Variants in PIP4K2A observed in about 807,000 individuals in gnomAD.
The protein encoded by PIP4K2A is phosphatidylinositol-5-phosphate 4-kinase type 2 alpha, also known as phosphatidylinositol 5-phosphate 4-kinase type-2 alpha.
A neutral mutation model predicts 42.9 loss-of-function variants in PIP4K2A; 14 were observed. That is an observed-to-expected ratio of 0.33 (90% CI 0.22 to 0.51). The LOEUF is 0.51. Ranked by LOEUF, PIP4K2A falls within the 20% of genes least tolerant of loss-of-function variation. The pLI, the probability that PIP4K2A is intolerant of heterozygous loss-of-function variation, is 0.97. For synonymous variants in PIP4K2A, 192 were observed against 192.2 expected (o/e 1.00, Z 0.01); for missense variants, 434 against 519.8 (o/e 0.83, Z 1.61).
At chr10:22,704,765 C>T (rs569009351) in intron 1 of PIP4K2A, among the ~76,000 whole-genome samples, 16 of 151,566 alleles carry the variant, frequency 1.1e-4, no homozygotes, top group South Asian at 2.1e-4. Flanking sequence ...TCAAGATGGG[C>T]GGCCCCGGAA....
chr10:22,564,623 A>G (rs1420524504), intron 6 of PIP4K2A, among the ~76,000 whole-genome samples: 1 of 152,062 alleles, frequency 6.6e-6, no homozygotes, highest in African/African-American at 2.4e-5. Flanking sequence ...AGAAACATTC[A>G]CTCATGGCAG....
intron 1 of PIP4K2A, among the ~76,000 whole-genome samples, chr10:22,664,220 T>TATATATATATAC (rs1839302845): frequency 2.2e-5 from 1 of 45,540 alleles, no homozygotes; most frequent in African/African-American, 8.6e-5. Flanking sequence ...TATATATACA[T>TATATATATATAC]ATATATATAC....
At chr10:22,628,878 C>T (rs1369630395) in intron 1 of PIP4K2A, among the ~76,000 whole-genome samples, 3 of 152,278 alleles carry the variant, frequency 2.0e-5, no homozygotes, top group African/African-American at 7.2e-5. Context: ...GAGGTTAATG[C>T]TGGTTGGCTT....
chr10:22,664,164 TATAC>T (rs148228205), intron 1 of PIP4K2A, among the ~76,000 whole-genome samples: 6 of 67,514 alleles, frequency 8.9e-5, no homozygotes, highest in South Asian at 3.2e-4. Flanking sequence ...CATATATATA[TATAC>T]ATATATATAT....
chr10:22,582,490 T>C (rs779509126), intron 4 of PIP4K2A, among the ~76,000 whole-genome samples: 1 of 152,232 alleles, frequency 6.6e-6, no homozygotes, highest in Non-Finnish European at 1.5e-5. Context: ...GGCTCCGGCT[T>C]TCAGGAATTG....
intron 4 of PIP4K2A, among the ~76,000 whole-genome samples, chr10:22,580,410 G>A (rs1837241819): frequency 6.6e-6 from 1 of 151,984 alleles, no homozygotes. Context: ...GGTAATTCGG[G>A]AGGCCAAGGC....
intron 1 of PIP4K2A, among the ~76,000 whole-genome samples, chr10:22,683,845 A>G (rs1271843248): frequency 2.0e-5 from 3 of 150,610 alleles, no homozygotes; most frequent in Non-Finnish European, 4.4e-5. Context: ...TCACACACAC[A>G]CACACACACA....
chr10:22,628,287 T>C (rs1247754727), intron 1 of PIP4K2A, among the ~76,000 whole-genome samples: 1 of 152,102 alleles, frequency 6.6e-6, no homozygotes, highest in Non-Finnish European at 1.5e-5. Flanking sequence ...GAAGAAGTTG[T>C]TTGTTTTTGT....
chr10:22,698,459 T>A (rs1311715323), intron 1 of PIP4K2A, among the ~76,000 whole-genome samples: 1 of 152,094 alleles, frequency 6.6e-6, no homozygotes, highest in Non-Finnish European at 1.5e-5. Flanking sequence ...AAAAAGAGAA[T>A]CTCTTCTAAG....
intron 3 of PIP4K2A, among the ~76,000 whole-genome samples, chr10:22,600,265 AT>A (rs957188582): frequency 1.3e-5 from 2 of 151,656 alleles, no homozygotes; most frequent in African/African-American, 4.9e-5. Flanking sequence ...AAAAGTTTTC[AT>A]TTTTGGTTGA....
intron 1 of PIP4K2A, among the ~76,000 whole-genome samples, chr10:22,699,850 C>T (rs1305236362): frequency 2.0e-5 from 3 of 152,066 alleles, no homozygotes; most frequent in Admixed American, 2.0e-4. Flanking sequence ...CACTGAAAAA[C>T]TATGAAACTC....
chr10:22,547,306 T>G (rs1445395975), intron 7 of PIP4K2A, among the ~76,000 whole-genome samples: 3 of 152,264 alleles, frequency 2.0e-5, no homozygotes, highest in Non-Finnish European at 4.4e-5. Context: ...GCCTCCACTG[T>G]GCTCTCACAG....
At chr10:22,649,557 T>C (rs1032592377) in intron 1 of PIP4K2A, among the ~76,000 whole-genome samples, 1 of 152,126 alleles carries the variant, frequency 6.6e-6, no homozygotes, top group Non-Finnish European at 1.5e-5. Flanking sequence ...CTCCAGGAGC[T>C]AATAAAATAA....
At chr10:22,609,031 T>C (rs1054968153) in intron 2 of PIP4K2A, among the ~76,000 whole-genome samples, 2 of 152,220 alleles carry the variant, frequency 1.3e-5, no homozygotes, top group African/African-American at 4.8e-5. Flanking sequence ...CACACTGAAC[T>C]ATAGCAGTTT....
chr10:22,662,014 C>A (rs1839213807), intron 1 of PIP4K2A: 1 of 152,110 alleles, frequency 6.6e-6, no homozygotes, highest in Non-Finnish European at 1.5e-5. Flanking sequence ...AAAACAACAC[C>A]CTTGATCATT....
chr10:22,706,774 A>T (rs1264402512), intron 1 of PIP4K2A, among the ~76,000 whole-genome samples: 1 of 152,226 alleles, frequency 6.6e-6, no homozygotes, highest in Non-Finnish European at 1.5e-5. Context: ...CCTAATCGCT[A>T]GTGGAAGTGT....
intron 7 of PIP4K2A, among the ~76,000 whole-genome samples, chr10:22,545,945 A>T (rs1255098884): frequency 1.3e-5 from 2 of 152,148 alleles, no homozygotes; most frequent in African/African-American, 4.8e-5. Context: ...GCCTCAAGTG[A>T]TCCTCCTGCC....
At chr10:22,642,716 G>C (rs963673553) in intron 1 of PIP4K2A, among the ~76,000 whole-genome samples, 1 of 150,290 alleles carries the variant, frequency 6.7e-6, no homozygotes, top group Non-Finnish European at 1.5e-5. Context: ...CTCTTATAGA[G>C]TTAAGACAAT....
rs543217073 is a variant in PIP4K2A at position 22,685,415 on chromosome 10, T to C, written c.144+28768A>G. On this transcript the variant is annotated intron_variant, in intron 1 of 9. Transcript: ENST00000376573. Reference sequence around the variant, plus strand: ...CTCAGGGTTAAGAAAGTGAAAAGGGTTGGGCACAGTGGCTTGCACCTGTGA... The same window carrying C: ...CTCAGGGTTAAGAAAGTGAAAAGGGCTGGGCACAGTGGCTTGCACCTGTGA... Among the ~76,000 whole-genome samples, 5 of 152,136 alleles carry C rather than the reference T, an allele frequency of 3.3e-5. 1 individual carries two copies. Among genetic ancestry groups the C allele is most frequent in the African/African-American group, 1.2e-4 (5 of 41,518 alleles).
Sources: gnomAD v4.1 joint callset for allele counts (sites outside exome capture counted in the v4.1 genomes callset) on GRCh38, gnomAD v4.1.1 for gene constraint, MANE v1.5 for transcripts, NCBI Gene and HGNC (gene_info 2026-07-23, HGNC 2026-07-21) for gene names.